HNRNPUL1: variants seen among roughly 807,000 people sequenced by gnomAD.
HNRNPUL1 encodes the protein heterogeneous nuclear ribonucleoprotein U like 1, also known as heterogeneous nuclear ribonucleoprotein U-like protein 1.
A neutral mutation model predicts 108.5 loss-of-function variants in HNRNPUL1; 14 were observed. That is an observed-to-expected ratio of 0.13 (90% confidence interval 0.09 to 0.20). HNRNPUL1 has a LOEUF of 0.20. Ranked by LOEUF, HNRNPUL1 falls within the 10% of genes least tolerant of loss-of-function variation. The probability of loss-of-function intolerance (pLI) is 1.00; values close to 1 mark genes in which losing one functional copy is unlikely to be tolerated. For missense variants in HNRNPUL1, 804 were observed against 1,168.3 expected (o/e 0.69, Z 4.55); for synonymous variants, 422 against 445.2 (o/e 0.95, Z 0.66).
intron 6 of HNRNPUL1, among the ~76,000 whole-genome samples, chr19:41,279,825 AAACT>A (rs2035800134): frequency 6.6e-6 from 1 of 152,254 alleles, no homozygotes; most frequent in Non-Finnish European, 1.5e-5. Flanking sequence ...CCTGTGAGAG[AAACT>A]AACCAATGTT....
Position 41,272,128 on chromosome 19 carries a change from G to C in HNRNPUL1, c.465G>C (p.Pro155=). Residue 155 remains proline (P), a synonymous_variant, in exon 3 of 15, where the codon CCG becomes CCC. Transcript: ENST00000392006. ...AAGGAGCACCCACCAGCTTCCTCCCGCCTGAAGCTTCTCAACTCAAGCCAG... is the reference window on the plus strand; with the variant it reads ...AAGGAGCACCCACCAGCTTCCTCCCCCCTGAAGCTTCTCAACTCAAGCCAG... ...MKQGAPTSFL[P]PEASQLKPDR... 1 of 1,614,044 alleles carries C rather than the reference G, an allele frequency of 6.2e-7. No individual in the cohort carries two copies. The highest frequency in any genetic ancestry group is 8.5e-7 in the Non-Finnish European group (1 of 1,180,002).
chr19:41,302,418 C>T (rs2037277872), intron 11 of HNRNPUL1: 1 of 531,548 alleles, frequency 1.9e-6, no homozygotes, highest in Admixed American at 2.6e-5. Flanking sequence ...GGGGTTTTGC[C>T]ATGTTGGCCA....
chr19:41,263,631 A>T (rs2122324068), upstream of HNRNPUL1, among the ~76,000 whole-genome samples: 1 of 152,334 alleles, frequency 6.6e-6, no homozygotes, highest in Non-Finnish European at 1.5e-5. Flanking sequence ...TCCTAAAGGC[A>T]ACTGGGTTCC....
intron 5 of HNRNPUL1, among the ~76,000 whole-genome samples, chr19:41,277,698 G>T (rs1034852748): frequency 6.6e-6 from 1 of 152,012 alleles, no homozygotes; most frequent in Non-Finnish European, 1.5e-5. Context: ...GTAGAGATGG[G>T]GTTTCTCCAT....
At chr19:41,289,681 T>A (rs981876680) in intron 7 of HNRNPUL1, among the ~76,000 whole-genome samples, 4 of 150,848 alleles carry the variant, frequency 2.7e-5, no homozygotes, top group African/African-American at 9.8e-5. Flanking sequence ...GAAGGCTAAC[T>A]AACACCAACA....
Position 41,304,006 on chromosome 19 carries a change from G to A in HNRNPUL1, c.2007G>A (p.Gln669=), listed in dbSNP as rs1257317862. 2 of 1,613,946 alleles carry A rather than the reference G, an allele frequency of 1.2e-6. No individual in the cohort carries two copies. Among genetic ancestry groups the A allele is most frequent in the East Asian group, 2.2e-5 (1 of 44,860 alleles). The change falls in exon 13 of 15, where the codon CAG becomes CAA. Residue 669 remains glutamine (Q), a synonymous_variant. Transcript: ENST00000392006. ...FNRSGGGGYS[Q]NRWGNNNRDN... ...GCAGCGGAGGTGGTGGCTATAGCCA[G>A]AACCGCTGGGGTAACAACAACCGGG... is the stretch of plus-strand genomic sequence containing the variant.
At position 41,294,233 on chromosome 19, in the gene HNRNPUL1, GA is replaced by G; in HGVS notation, c.1267-104del. 1 of 1,315,642 alleles carries G rather than the reference GA, an allele frequency of 7.6e-7. No homozygotes were observed. The highest frequency in any genetic ancestry group is 2.3e-5 in the East Asian group (1 of 43,090). 81.5% of individuals were successfully genotyped at this position (1,315,642 alleles called of 1,614,324 possible). A position where few individuals can be genotyped will look rare whatever the true frequency, so the allele number is the denominator to read the frequency against. On this transcript the variant is annotated intron_variant, in intron 8 of 14. Coordinates refer to ENST00000392006, the MANE Select transcript of HNRNPUL1 (RefSeq NM_007040.6). This position sits in a 1 kb window ranked among gnomAD's most constrained non-coding sequence, Gnocchi z 4.3. Reference sequence around the variant, plus strand: ...ATGGTATTACTGCTTCCGCTTTGTAGAGGCAGCCACAGCTCAGAGGTCCAGA... The same window carrying G: ...ATGGTATTACTGCTTCCGCTTTGTAGGGCAGCCACAGCTCAGAGGTCCAGA...
chr19:41,286,081 GA>G lies in HNRNPUL1; in HGVS notation c.999+4818del, dbSNP rs1013536763. ...CCAGCTACTCAGGAGACTGAGGTGA[GA>G]AAAAAAAAAAATTAATAGCCTACTG... is the stretch of plus-strand genomic sequence containing the variant. On this transcript the variant is annotated intron_variant, in intron 7 of 14. Transcript: ENST00000392006. Among the ~76,000 whole-genome samples, 490 of 140,642 alleles carry G rather than the reference GA, an allele frequency of 3.5e-3. 5 individuals are homozygous for G. The highest frequency in any genetic ancestry group is 0.012 in the African/African-American group (446 of 38,210). 92.3% of individuals were successfully genotyped at this position (140,642 alleles called of 152,430 possible).
chr19:41,301,480 G>GA, intron 10 of HNRNPUL1, 56 bp from the exon 11 acceptor site: 1 of 1,522,920 alleles, frequency 6.6e-7, no homozygotes, highest in East Asian at 2.3e-5. Context: ...CCCCTCAGAG[G>GA]AAAAAACCAA....
chr19:41,294,575 G>T lies in HNRNPUL1; in HGVS notation c.1407G>T (p.Arg469=). ...GCCCGCAGGTGATGGGCCTACGCCG[G>T]CAGCGGAACTATGCTGGCCGCTGGG... The part of the protein sequence containing the change: ...MDKMRVMGLR[R]QRNYAGRWDV... Residue 469 remains arginine (R), a synonymous_variant, in exon 10 of 15, where the codon CGG becomes CGT. Transcript: ENST00000392006. This position sits in a 1 kb window ranked among gnomAD's most constrained non-coding sequence, Gnocchi z 4.3. The T allele has an allele frequency of 6.2e-7, 1 of 1,614,148 alleles. No homozygotes were observed. Among genetic ancestry groups the T allele is most frequent in the African/African-American group, 1.3e-5 (1 of 75,040 alleles).
chr19:41,273,394 CCTT>C (rs1438333887), intron 3 of HNRNPUL1, among the ~76,000 whole-genome samples: 5 of 152,024 alleles, frequency 3.3e-5, no homozygotes, highest in African/African-American at 1.2e-4. Flanking sequence ...ACCTTTCTAC[CCTT>C]CTTCCTCGTT....
rs539269273 is a variant in HNRNPUL1, at chr19:41,301,967, T to C, written c.1687+263T>C. 2.6e-5 allele frequency among the ~76,000 whole-genome samples: 4 copies of C among 152,332 alleles called. No individual in the cohort carries two copies. In the South Asian group the frequency reaches 8.3e-4, roughly 32 times the overall value. On this transcript the variant is annotated intron_variant, in intron 11 of 14. Transcript: ENST00000392006. Reference sequence around the variant, plus strand: ...ATGGGAGCTAAAGCTGAAAGTCCTGTGTGCTCACCCTGCCTCTGGTCCCAG... The same window carrying C: ...ATGGGAGCTAAAGCTGAAAGTCCTGCGTGCTCACCCTGCCTCTGGTCCCAG...
chr19:41,274,699 C>T (rs555484366), intron 4 of HNRNPUL1, among the ~76,000 whole-genome samples: 2 of 152,228 alleles, frequency 1.3e-5, no homozygotes, highest in South Asian at 4.1e-4. Context: ...TTACATGCAC[C>T]CAGAAGCCCA....
At position 41,302,963 on chromosome 19, in the gene HNRNPUL1, C is replaced by A; in HGVS notation, c.1972+14C>A. ...ACTACCGAGGAGGTGAGACATCTCA[C>A]ACACAGCACTCTCCACTTTCTGTTC... On this transcript the variant is annotated intron_variant, in intron 12 of 14. Coordinates refer to ENST00000392006, the MANE Select transcript of HNRNPUL1 (RefSeq NM_007040.6). The A allele has an allele frequency of 6.6e-7, 1 of 1,516,980 alleles. No homozygotes were observed. Among genetic ancestry groups the A allele is most frequent in the Non-Finnish European group, 8.8e-7 (1 of 1,134,384 alleles). The allele number at this position is 1,516,980 out of a possible 1,614,324, so 94.0% of individuals were successfully genotyped here. A position where few individuals can be genotyped will look rare whatever the true frequency, so the allele number is the denominator to read the frequency against.
At chr19:41,285,696 C>T (rs546295227) in intron 7 of HNRNPUL1, among the ~76,000 whole-genome samples, 2 of 152,172 alleles carry the variant, frequency 1.3e-5, no homozygotes, top group Admixed American at 1.3e-4. Flanking sequence ...ATATGTGGTT[C>T]CCTTTTAAAA....
At chr19:41,276,415 T>C (rs1219296451) in intron 5 of HNRNPUL1, 117 bp downstream of exon 5, 8 of 1,124,698 alleles carry the variant, frequency 7.1e-6, no homozygotes, top group Non-Finnish European at 9.9e-6. Context: ...TGCAATACCA[T>C]GTCCAAGCAG....
chr19:41,302,997 G>C, intron 12 of HNRNPUL1, 48 bp downstream of exon 12: 1 of 1,501,020 alleles, frequency 6.7e-7, no homozygotes, highest in Non-Finnish European at 8.9e-7. Flanking sequence ...TCCCAGGTTG[G>C]GGCTGGGCTT....
intron 10 of HNRNPUL1, chr19:41,298,509 C>A (rs2037016436): frequency 6.6e-6 from 1 of 152,262 alleles, no homozygotes; most frequent in South Asian, 2.1e-4. Context: ...GCTGTGGCAA[C>A]AGCCACCAGC....
chr19:41,280,043 T>C (rs1599792139), intron 6 of HNRNPUL1, among the ~76,000 whole-genome samples: 1 of 152,240 alleles, frequency 6.6e-6, no homozygotes, highest in East Asian at 1.9e-4. Context: ...TTTAAACTTA[T>C]TGCAAATTTT....
Sources: allele counts gnomAD v4.1 joint callset (sites outside exome capture counted in the v4.1 genomes callset), GRCh38; gene constraint gnomAD v4.1.1; non-coding constraint Gnocchi (gnomAD v3.1); transcripts MANE v1.5; gene names NCBI Gene and HGNC (gene_info 2026-07-23, HGNC 2026-07-21).